Variants in FILIP1 observed in about 807,000 individuals in gnomAD.
FILIP1 encodes the protein filamin-A-interacting protein 1.
Under a neutral mutation model 102.1 loss-of-function variants are expected in FILIP1, and 61 were observed. The observed-to-expected ratio is 0.60, with a 90% CI of 0.49 to 0.74. FILIP1 has a LOEUF of 0.74. FILIP1 is among the 30% of genes least tolerant of loss of function. FILIP1 has a pLI of 0.00. For synonymous variants in FILIP1, 491 were observed against 526.9 expected (o/e 0.93, Z 0.93); for missense variants, 1,314 against 1,441.2 (o/e 0.91, Z 1.43).
chr6:75,426,614 CTG>C (rs1777635383), intron 1 of FILIP1, among the ~76,000 whole-genome samples: 1 of 152,140 alleles, frequency 6.6e-6, no homozygotes, highest in Non-Finnish European at 1.5e-5. Flanking sequence ...GTCACCCAAA[CTG>C]GGGCTGAAAT....
At chr6:75,376,348 C>A (rs1775751392) in intron 2 of FILIP1, among the ~76,000 whole-genome samples, 1 of 152,080 alleles carries the variant, frequency 6.6e-6, no homozygotes, top group Non-Finnish European at 1.5e-5. Flanking sequence ...GTTTCTTTGT[C>A]TGCAAAATGG....
At chr6:75,466,622 T>G (rs1779174243) in intron 1 of FILIP1, among the ~76,000 whole-genome samples, 1 of 152,190 alleles carries the variant, frequency 6.6e-6, no homozygotes, top group South Asian at 2.1e-4. Context: ...GGATTACATT[T>G]AATGTAGTAA....
chr6:75,391,177 C>T (rs1015918839), intron 2 of FILIP1, among the ~76,000 whole-genome samples: 2 of 152,026 alleles, frequency 1.3e-5, no homozygotes, highest in African/African-American at 2.4e-5. Context: ...CTCCTCCTTC[C>T]ATGCGCTCAT....
At position 75,315,033 on chromosome 6, in the gene FILIP1, T is replaced by C; in HGVS notation, c.799A>G (p.Lys267Glu). The change falls in exon 5 of 6, where the codon AAA (lysine) becomes GAA (glutamate). Residue 267 changes from lysine (K) to glutamate (E), a missense_variant. Lys to Glu is a moderately conservative substitution (Grantham distance 56). Transcript: ENST00000237172. Reference protein sequence around the residue: ...HIEQLGLQSQKVQDLTQKLRE... With the variant: ...HIEQLGLQSQEVQDLTQKLRE... ...AGCTTCTGAGTAAGATCCTGTACTT[T>C]CTGGCTTTGCAGGCCAAGTTGTTCA... The C allele has an allele frequency of 6.2e-7, 1 of 1,614,114 alleles. No individual in the cohort carries two copies. Among genetic ancestry groups the C allele is most frequent in the African/African-American group, 1.3e-5 (1 of 75,074 alleles).
At chr6:75,379,814 CT>C (rs1242553106) in intron 2 of FILIP1, among the ~76,000 whole-genome samples, 11 of 152,212 alleles carry the variant, frequency 7.2e-5, no homozygotes, top group Non-Finnish European at 1.6e-4. Flanking sequence ...TTAGTGGAAA[CT>C]TTCCTGATCT....
chr6:75,450,860 C>A (rs1266579286), intron 1 of FILIP1, among the ~76,000 whole-genome samples: 1 of 151,964 alleles, frequency 6.6e-6, no homozygotes, highest in East Asian at 1.9e-4. Context: ...GTTGCTGAGG[C>A]AGGAGAATCG....
chr6:75,319,403 C>G, intron 4 of FILIP1: 1 of 625,430 alleles, frequency 1.6e-6, no homozygotes, highest in African/African-American at 1.8e-5. Context: ...CCTTGAACTT[C>G]TTTTTTGTCT....
At chr6:75,420,515 T>C (rs531486012) in intron 1 of FILIP1, among the ~76,000 whole-genome samples, 42 of 152,232 alleles carry the variant, frequency 2.8e-4, no homozygotes, top group Non-Finnish European at 5.0e-4. Context: ...TCCATTCCAC[T>C]AGCCATGACC....
At chr6:75,337,884 A>G (rs1303179584) in intron 4 of FILIP1, among the ~76,000 whole-genome samples, 1 of 152,222 alleles carries the variant, frequency 6.6e-6, no homozygotes, top group Non-Finnish European at 1.5e-5. Context: ...ATGGTAGTGT[A>G]GATAAGAGCA....
chr6:75,442,643 A>C (rs1778306931), intron 1 of FILIP1, among the ~76,000 whole-genome samples: 3 of 152,242 alleles, frequency 2.0e-5, no homozygotes, highest in Non-Finnish European at 2.9e-5. Flanking sequence ...AATCGCAGGC[A>C]CTCGGCAGGC....
intron 1 of FILIP1, among the ~76,000 whole-genome samples, chr6:75,456,847 C>T (rs1298697700): frequency 6.6e-6 from 1 of 152,000 alleles, no homozygotes; most frequent in African/African-American, 2.4e-5. Context: ...CGTGAGACAT[C>T]GTATTCCCAA....
intron 2 of FILIP1, among the ~76,000 whole-genome samples, chr6:75,408,959 T>C (rs140618680): frequency 6.6e-6 from 1 of 152,274 alleles, no homozygotes; most frequent in Non-Finnish European, 1.5e-5. Context: ...CCTGCTGCCA[T>C]TTTACTCATC....
rs945027836 is a variant in FILIP1 at position 75,493,689 on chromosome 6, C to G, written c.-282G>C. The G allele has an allele frequency of 6.6e-6, 1 of 152,226 alleles. No individual in the cohort carries two copies. The highest frequency in any genetic ancestry group is 1.5e-5 in the Non-Finnish European group (1 of 68,058). 9.4% of individuals were successfully genotyped at this position (152,226 alleles called of 1,614,324 possible). ...TTGGAAGTTGTTGTATATCTCCCAC[C>G]CAGACTTTTGTTTAAAAGTTTTTTC... On this transcript the variant is annotated 5_prime_UTR_variant, in exon 1 of 6. Transcript: ENST00000237172.
Position 75,435,721 on chromosome 6 carries a change from T to C in FILIP1, c.-6-20743A>G, listed in dbSNP as rs78009605. 3.2e-3 allele frequency among the ~76,000 whole-genome samples: 483 copies of C among 152,340 alleles called. 13 individuals are homozygous for C. The East Asian group carries it at 0.077, about 24-fold the overall frequency. On this transcript the variant is annotated intron_variant, in intron 1 of 5. Transcript: ENST00000237172. ...AGAGACACTCTTACATTTCCTTCTC[T>C]CTTGATTTCTGCTGAGTGACTTTTC...
At chr6:75,345,589 G>A (rs981592874) in intron 4 of FILIP1, among the ~76,000 whole-genome samples, 3 of 152,102 alleles carry the variant, frequency 2.0e-5, no homozygotes, top group Admixed American at 1.3e-4. Flanking sequence ...ATAAGATTAG[G>A]TGGGGTGACC....
chr6:75,327,886 C>T (rs1773927572), intron 4 of FILIP1, among the ~76,000 whole-genome samples: 1 of 152,008 alleles, frequency 6.6e-6, no homozygotes, highest in South Asian at 2.1e-4. Context: ...AACCTCCACC[C>T]ACGAAAGATT....
intron 1 of FILIP1, among the ~76,000 whole-genome samples, chr6:75,448,240 T>A (rs1434856167): frequency 6.6e-6 from 1 of 152,170 alleles, no homozygotes; most frequent in Non-Finnish European, 1.5e-5. Flanking sequence ...ATCCTTTGAC[T>A]GCTGAGCCTG....
chr6:75,446,284 G>T (rs1778440858), intron 1 of FILIP1, among the ~76,000 whole-genome samples: 4 of 152,138 alleles, frequency 2.6e-5, no homozygotes, highest in Admixed American at 2.6e-4. Flanking sequence ...GTTTGCAGCT[G>T]CAATCATTAT....
Position 75,312,383 on chromosome 6 carries a change from C to A in FILIP1, c.3435+14G>T. On this transcript the variant is annotated intron_variant, in intron 5 of 5. Transcript: ENST00000237172. Reference sequence around the variant, plus strand: ...CCCTCTGCAGGCCTGCGCTTTGGAGCCTCTTCTACTCACCACTGACTGGGT... The same window carrying A: ...CCCTCTGCAGGCCTGCGCTTTGGAGACTCTTCTACTCACCACTGACTGGGT... The A allele has an allele frequency of 6.2e-7, 1 of 1,605,022 alleles. No homozygotes were observed. Among genetic ancestry groups the A allele is most frequent in the Non-Finnish European group, 8.5e-7 (1 of 1,174,734 alleles).
Sources: allele counts gnomAD v4.1 joint callset (sites outside exome capture counted in the v4.1 genomes callset), GRCh38; gene constraint gnomAD v4.1.1; transcripts MANE v1.5; gene names NCBI Gene and HGNC (gene_info 2026-07-23, HGNC 2026-07-21).